PCDHGA1: variants seen among roughly 807,000 people sequenced by gnomAD.
The protein encoded by PCDHGA1 is protocadherin gamma subfamily A, 1.
PCDHGA1 carries 32 observed loss-of-function variants against 58.0 expected under a neutral mutation model. That is an observed-to-expected ratio of 0.55 (90% confidence interval 0.42 to 0.74). The LOEUF (loss-of-function observed/expected upper bound fraction) is 0.74. Among genes scored for constraint, PCDHGA1 ranks in the 30% least tolerant of loss-of-function variants. PCDHGA1 has a pLI of 0.00. For missense variants in PCDHGA1, 1,205 were observed against 1,182.3 expected, an observed-to-expected ratio of 1.02 and a Z score of -0.28; for synonymous variants, 498 against 501.1, an observed-to-expected ratio of 0.99 and a Z score of 0.08.
chr5:141,354,406 A>G (rs1192533081), intron 1 of PCDHGA1, among the ~76,000 whole-genome samples: 1 of 152,244 alleles, frequency 6.6e-6, no homozygotes, highest in Admixed American at 6.5e-5. Context: ...TCTACTGTAC[A>G]CAAAATTAAG....
chr5:141,372,264 G>GGTGAGGTGC, intron 1 of PCDHGA1: 1 of 1,613,138 alleles, frequency 6.2e-7, no homozygotes, highest in Non-Finnish European at 8.5e-7. Flanking sequence ...CCTGCGCACG[G>GGTGAGGTGC]GTGAGGTGCG....
intron 1 of PCDHGA1, chr5:141,350,811 A>T (rs1446037957): frequency 6.2e-7 from 1 of 1,613,902 alleles, no homozygotes; most frequent in Non-Finnish European, 8.5e-7. Flanking sequence ...GAAAGTCCTG[A>T]TGGAAGTAAA....
At position 141,335,524 on chromosome 5, in the gene PCDHGA1, A is replaced by G. The variant is rs1441923732; in HGVS notation, c.2421+2419A>G. Among the ~76,000 whole-genome samples the G allele has an allele frequency of 2.0e-5, 3 of 152,188 alleles. 1 individual carries two copies. The highest frequency in any genetic ancestry group is 7.2e-5 in the African/African-American group (3 of 41,462). On this transcript the variant is annotated intron_variant, in intron 1 of 3. Transcript: ENST00000517417. ...TACTGAAAAATATAGCTTAGAAAATACCGGAATATTTAAACATAATTCCAT... is the reference window on the plus strand; with the variant it reads ...TACTGAAAAATATAGCTTAGAAAATGCCGGAATATTTAAACATAATTCCAT...
intron 1 of PCDHGA1, among the ~76,000 whole-genome samples, chr5:141,483,689 G>A (rs1234666254): frequency 6.6e-6 from 1 of 152,022 alleles, no homozygotes; most frequent in Non-Finnish European, 1.5e-5. Flanking sequence ...CAGAAAGCCA[G>A]ATTCCTCTTT....
At chr5:141,351,158 A>G in intron 1 of PCDHGA1, 1 of 1,614,062 alleles carries the variant, frequency 6.2e-7, no homozygotes, top group South Asian at 1.1e-5. Flanking sequence ...CATCACAACC[A>G]ATGGCACATT....
intron 1 of PCDHGA1, chr5:141,374,155 G>A (rs1165591733): frequency 6.2e-7 from 1 of 1,612,144 alleles, no homozygotes; most frequent in Admixed American, 1.7e-5. Flanking sequence ...GGACGCTGTG[G>A]GGGGCCGCGG....
rs778071643 is a variant in PCDHGA1, at chr5:141,356,356, A to G, written c.2421+23251A>G. On this transcript the variant is annotated intron_variant, in intron 1 of 3. Coordinates refer to ENST00000517417, the MANE Select transcript of PCDHGA1 (RefSeq NM_018912.3). The stretch of plus-strand genomic sequence containing the variant: ...AGGAAATGGCCTAGTCACATGTTCT[A>G]TTCCAGATAATCTGCCATTCACACT... 16 of 1,556,750 alleles carry G rather than the reference A, an allele frequency of 1.0e-5. No individual in the cohort carries two copies. In the Admixed American group the frequency reaches 2.7e-4, roughly 27 times the overall value.
intron 1 of PCDHGA1, chr5:141,375,291 G>C: frequency 4.3e-6 from 7 of 1,613,756 alleles, no homozygotes; most frequent in Non-Finnish European, 5.9e-6. Context: ...AATTATTATC[G>C]ATTAGTGACA....
At chr5:141,393,494 C>T (rs750216965) in intron 1 of PCDHGA1, 16 of 1,613,946 alleles carry the variant, frequency 9.9e-6, no homozygotes, top group Non-Finnish European at 1.3e-5. Flanking sequence ...GCACAGTGCG[C>T]ATCCACGTGA....
At position 141,365,513 on chromosome 5, in the gene PCDHGA1, G is replaced by C. The variant is rs756301595; in HGVS notation, c.2421+32408G>C. The C allele has an allele frequency of 8.7e-6, 14 of 1,613,760 alleles. No homozygotes were observed. The Admixed American group carries it at 2.3e-4, about 27-fold the overall frequency. Reference sequence around the variant, plus strand: ...TCCTAGGAATTTGCCTTTTAAATTGGAGAAGTCAGTTGATAATTACTATCA... The same window carrying C: ...TCCTAGGAATTTGCCTTTTAAATTGCAGAAGTCAGTTGATAATTACTATCA... On this transcript the variant is annotated intron_variant, in intron 1 of 3. Coordinates refer to ENST00000517417, the MANE Select transcript of PCDHGA1 (RefSeq NM_018912.3).
intron 1 of PCDHGA1, chr5:141,422,432 A>T: frequency 6.2e-7 from 1 of 1,609,448 alleles, no homozygotes; most frequent in South Asian, 1.1e-5. Context: ...TATGGAAATT[A>T]TTACAAATTG....
chr5:141,394,521 G>C, intron 1 of PCDHGA1: 1 of 1,614,212 alleles, frequency 6.2e-7, no homozygotes, highest in Non-Finnish European at 8.5e-7. Context: ...CCTCCCCACA[G>C]ACGGTTCCAC....
At chr5:141,401,838 T>C in intron 1 of PCDHGA1, among the ~76,000 whole-genome samples, 1 of 152,232 alleles carries the variant, frequency 6.6e-6, no homozygotes, top group East Asian at 1.9e-4. Context: ...TTTCTTATAA[T>C]ACCACTTACT....
At chr5:141,497,060 G>T (rs1244885752) in intron 2 of PCDHGA1, among the ~76,000 whole-genome samples, 1 of 151,952 alleles carries the variant, frequency 6.6e-6, no homozygotes, top group Non-Finnish European at 1.5e-5. Context: ...GTGGTGGCAG[G>T]CACCTGTAAT....
chr5:141,489,894 G>T lies in PCDHGA1; in HGVS notation c.2422-4913G>T. 1.2e-6 allele frequency: 2 copies of T among 1,614,204 alleles called. No homozygotes were observed. Among genetic ancestry groups the T allele is most frequent in the Non-Finnish European group, 1.7e-6 (2 of 1,180,028 alleles). The stretch of plus-strand genomic sequence containing the variant: ...TGGTGCTTACTGCTGTGGATGGGGG[G>T]ACCCCAGCCCGCTCAGGGACCACCC... On this transcript the variant is annotated intron_variant, in intron 1 of 3. Transcript: ENST00000517417. The surrounding 1 kb of genome is among the most constrained non-coding windows in gnomAD (Gnocchi z 4.5).
chr5:141,352,383 C>T (rs1758995476), intron 1 of PCDHGA1: 1 of 1,613,918 alleles, frequency 6.2e-7, no homozygotes, highest in Admixed American at 1.7e-5. Context: ...CTAGCGATCG[C>T]CCTGCGCCTG....
chr5:141,378,114 A>C (rs1024564517), intron 1 of PCDHGA1: 2 of 152,284 alleles, frequency 1.3e-5, no homozygotes, highest in Non-Finnish European at 2.9e-5. Context: ...CAGCATAGTG[A>C]ACACGTATTT....
At chr5:141,488,389 A>G (rs1322717951) in intron 1 of PCDHGA1, among the ~76,000 whole-genome samples, 1 of 152,224 alleles carries the variant, frequency 6.6e-6, no homozygotes, top group East Asian at 1.9e-4. Context: ...GAATTTGGTG[A>G]AACCATGAAA....
chr5:141,430,957 C>T (rs771551541), intron 1 of PCDHGA1: 42 of 1,611,532 alleles, frequency 2.6e-5, no homozygotes, highest in Middle Eastern at 3.3e-4. Context: ...GAGTCCGCAT[C>T]ATCCCCAGAG....
Sources: gnomAD v4.1 joint callset for allele counts (sites outside exome capture counted in the v4.1 genomes callset) on GRCh38, gnomAD v4.1.1 for gene constraint, Gnocchi (gnomAD v3.1) non-coding constraint, MANE v1.5 for transcripts, NCBI Gene and HGNC (gene_info 2026-07-23, HGNC 2026-07-21) for gene names.